The following CNTNAP4 variants were observed in gnomAD, a reference collection of about 807,000 sequenced individuals.
CNTNAP4 encodes contactin associated protein family member 4, also known as contactin-associated protein-like 4.
Under a neutral mutation model 148.4 loss-of-function variants are expected in CNTNAP4, and 98 were observed. The ratio of observed to expected loss-of-function variants is 0.66; its 90% CI spans 0.56 to 0.78. The LOEUF is 0.78. Ranked by LOEUF, CNTNAP4 falls within the 30% of genes least tolerant of loss-of-function variation. The probability of loss-of-function intolerance (pLI) is 0.00; values close to 1 mark genes in which losing one functional copy is unlikely to be tolerated. For missense variants in CNTNAP4, 1,935 were observed against 1,565.6 expected, an observed-to-expected ratio of 1.24 and a Z score of -3.98; for synonymous variants, 730 against 565.1, an observed-to-expected ratio of 1.29 and a Z score of -4.14.
At chr16:76,332,558 T>C (rs561786904) in intron 2 of CNTNAP4, among the ~76,000 whole-genome samples, 2 of 152,156 alleles carry the variant, frequency 1.3e-5, no homozygotes, top group East Asian at 3.9e-4. Flanking sequence ...ATAATTCACT[T>C]TTTATACTAT....
At chr16:76,514,093 G>A (rs528879167) in intron 15 of CNTNAP4, among the ~76,000 whole-genome samples, 3 of 152,200 alleles carry the variant, frequency 2.0e-5, no homozygotes, top group African/African-American at 4.8e-5. Context: ...TTAAATGATC[G>A]TCATTTGCTA....
chr16:76,516,055 A>C (rs2083236575), intron 15 of CNTNAP4, among the ~76,000 whole-genome samples: 1 of 152,124 alleles, frequency 6.6e-6, no homozygotes, highest in South Asian at 2.1e-4. Flanking sequence ...TAAGCCCCGC[A>C]TCCATTAGGT....
intron 2 of CNTNAP4, among the ~76,000 whole-genome samples, chr16:76,330,486 A>G (rs867936371): frequency 2.6e-5 from 4 of 152,180 alleles, no homozygotes; most frequent in Admixed American, 2.6e-4. Context: ...TCCATTGCCT[A>G]TACTGGTGTT....
intron 8 of CNTNAP4, 60 bp downstream of exon 8, chr16:76,452,829 G>A: frequency 7.0e-7 from 1 of 1,424,034 alleles, no homozygotes; most frequent in African/African-American, 1.5e-5. Flanking sequence ...TTATCTCTGT[G>A]GCCAAATTTT....
In CNTNAP4 at chr16:76,498,543, T is replaced by G. The variant is rs375008907; in HGVS notation, c.2238-24T>G. ...AGGACTATTAAAAGTTCTTAAGAAT[T>G]TTGTTGTTGCTATTGTTTTTTAGGA... On this transcript the variant is annotated intron_variant, in intron 14 of 23. Coordinates refer to ENST00000611870, the MANE Select transcript of CNTNAP4 (RefSeq NM_033401.5). 3.3e-5 allele frequency: 52 copies of G among 1,596,504 alleles called. No homozygotes were observed. The African/African-American group carries it at 6.9e-4, about 21-fold the overall frequency.
intron 3 of CNTNAP4, among the ~76,000 whole-genome samples, chr16:76,369,000 A>C (rs970247755): frequency 1.3e-5 from 2 of 151,956 alleles, no homozygotes; most frequent in Non-Finnish European, 2.9e-5. Context: ...CTTTCTAAAA[A>C]ACAGTAAAAA....
intron 13 of CNTNAP4, among the ~76,000 whole-genome samples, chr16:76,492,558 C>A (rs1034721029): frequency 3.3e-4 from 50 of 152,098 alleles, no homozygotes; most frequent in Non-Finnish European, 7.1e-4. Context: ...GGCTGTGTCC[C>A]CACCCAAATC....
At position 76,364,464 on chromosome 16, in the gene CNTNAP4, TAATC is replaced by T. The variant is rs536328369; in HGVS notation, c.390+8956_390+8959del. On this transcript the variant is annotated intron_variant, in intron 3 of 23. Coordinates refer to ENST00000611870, the MANE Select transcript of CNTNAP4 (RefSeq NM_033401.5). ...ACCCCCATTCCAGTTCATTTTCAAA[TAATC>T]AACCTGAGAACAACATTTTTAAAAC... Among the ~76,000 whole-genome samples, 606 of 152,184 alleles carry T rather than the reference TAATC, an allele frequency of 4.0e-3. 2 individuals are homozygous for T. Among genetic ancestry groups the T allele is most frequent in the African/African-American group, 0.014 (566 of 41,542 alleles).
At chr16:76,382,249 A>C (rs2016059306) in intron 3 of CNTNAP4, among the ~76,000 whole-genome samples, 1 of 152,116 alleles carries the variant, frequency 6.6e-6, no homozygotes, top group African/African-American at 2.4e-5. Context: ...TCTAAAAAGC[A>C]AAAGTAAAAT....
At chr16:76,509,626 A>C (rs1255758334) in intron 15 of CNTNAP4, among the ~76,000 whole-genome samples, 3 of 97,382 alleles carry the variant, frequency 3.1e-5, no homozygotes, top group African/African-American at 7.7e-5. Flanking sequence ...ATGTATTTTT[A>C]AATTATAAGC....
intron 6 of CNTNAP4, among the ~76,000 whole-genome samples, 168 bp downstream of exon 6, chr16:76,449,119 T>C (rs2080360586): frequency 6.6e-6 from 1 of 152,186 alleles, no homozygotes; most frequent in Non-Finnish European, 1.5e-5. Flanking sequence ...TGTATAGTAC[T>C]TGAACCTTCA....
At chr16:76,511,576 A>G (rs916120140) in intron 15 of CNTNAP4, among the ~76,000 whole-genome samples, 2 of 152,188 alleles carry the variant, frequency 1.3e-5, no homozygotes, top group South Asian at 2.1e-4. Flanking sequence ...AAATAATGTA[A>G]CTTTGTTAGC....
intron 3 of CNTNAP4, among the ~76,000 whole-genome samples, chr16:76,405,625 A>C (rs545766972): frequency 6.6e-6 from 1 of 152,248 alleles, no homozygotes; most frequent in Non-Finnish European, 1.5e-5. Flanking sequence ...TCATCATAGA[A>C]TCTTCATCCT....
intron 21 of CNTNAP4, among the ~76,000 whole-genome samples, chr16:76,545,504 G>T (rs919986474): frequency 6.6e-6 from 1 of 152,120 alleles, no homozygotes; most frequent in African/African-American, 2.4e-5. Flanking sequence ...GTGGGCAAGT[G>T]TATTCCTCTG....
At chr16:76,349,836 C>T (rs1471455354) in intron 2 of CNTNAP4, among the ~76,000 whole-genome samples, 2 of 152,038 alleles carry the variant, frequency 1.3e-5, no homozygotes, top group African/African-American at 4.8e-5. Flanking sequence ...GTAATTCCTT[C>T]TGTCTCTGCA....
chr16:76,498,444 C>T (rs968916339), intron 14 of CNTNAP4, 123 bp from the exon 15 acceptor site: 7 of 629,086 alleles, frequency 1.1e-5, no homozygotes, highest in African/African-American at 7.4e-5. Context: ...TTATGTGCTC[C>T]GATGAGTGAC....
At chr16:76,510,434 T>C (rs2082967443) in intron 15 of CNTNAP4, among the ~76,000 whole-genome samples, 1 of 151,946 alleles carries the variant, frequency 6.6e-6, no homozygotes, top group African/African-American at 2.4e-5. Context: ...ACTTTTTGGA[T>C]ATTATGATAA....
At chr16:76,293,372 A>G (rs1238325836) in intron 1 of CNTNAP4, among the ~76,000 whole-genome samples, 1 of 152,066 alleles carries the variant, frequency 6.6e-6, no homozygotes, top group Non-Finnish European at 1.5e-5. Context: ...GTTTTTCACT[A>G]TTCACAAGCA....
rs570776620 is a variant in CNTNAP4 at position 76,517,443 on chromosome 16, A to C, written c.2366-3697A>C. ...ACATTTGGAAATAAACATTTTAATT[A>C]AATCCGTATTTCTGGCTTATTTCTT... On this transcript the variant is annotated intron_variant, in intron 15 of 23. Transcript: ENST00000611870. Among the ~76,000 whole-genome samples, 5 of 152,362 alleles carry C rather than the reference A, an allele frequency of 3.3e-5. 1 individual carries two copies. In the East Asian group the frequency reaches 9.6e-4, roughly 29 times the overall value.
Sources: allele counts gnomAD v4.1 joint callset (sites outside exome capture counted in the v4.1 genomes callset), GRCh38; gene constraint gnomAD v4.1.1; transcripts MANE v1.5; gene names NCBI Gene and HGNC (gene_info 2026-07-23, HGNC 2026-07-21).